NELL2: variants seen among roughly 807,000 people sequenced by gnomAD.
The protein encoded by NELL2 is protein kinase C-binding protein NELL2.
NELL2 carries 41 observed loss-of-function variants against 109.6 expected under a neutral mutation model. That is an observed-to-expected ratio of 0.37 (90% CI 0.29 to 0.49). The LOEUF is 0.49. Among genes scored for constraint, NELL2 ranks in the 20% least tolerant of loss-of-function variants. The pLI, the probability that NELL2 is intolerant of heterozygous loss-of-function variation, is 0.98. For missense variants in NELL2, 900 were observed against 1,008.3 expected (o/e 0.89, Z 1.45); for synonymous variants, 355 against 344.7 (o/e 1.03, Z -0.33).
intron 15 of NELL2, among the ~76,000 whole-genome samples, chr12:44,577,547 G>A (rs1483562401): frequency 5.0e-5 from 7 of 139,408 alleles, no homozygotes; most frequent in Non-Finnish European, 7.5e-5. Flanking sequence ...CGATGATCTC[G>A]GCTCACTGCA....
chr12:44,546,774 G>T (rs1476731315), intron 15 of NELL2, among the ~76,000 whole-genome samples: 1 of 152,078 alleles, frequency 6.6e-6, no homozygotes, highest in Non-Finnish European at 1.5e-5. Context: ...ATAGATCAAA[G>T]GAAAAGGTTT....
At chr12:44,570,279 G>A (rs1004021826) in intron 15 of NELL2, among the ~76,000 whole-genome samples, 3 of 152,150 alleles carry the variant, frequency 2.0e-5, no homozygotes, top group Admixed American at 1.3e-4. Flanking sequence ...CATGTGTGGC[G>A]ATGCTGGTGC....
intron 12 of NELL2, among the ~76,000 whole-genome samples, chr12:44,684,154 C>T (rs1301156493): frequency 6.6e-6 from 1 of 152,126 alleles, no homozygotes; most frequent in Admixed American, 6.5e-5. Flanking sequence ...TGGGAGACTG[C>T]ATGTGTCGAG....
chr12:44,666,517 A>T lies in NELL2; in HGVS notation c.1319-908T>A, dbSNP rs764098788. On this transcript the variant is annotated intron_variant, in intron 12 of 19. Transcript: ENST00000429094. ...TTATACTGTTAAGAGAAATGGATCA[A>T]CTATAAGAGATAGCTAGGTGATACA... 1.1e-4 allele frequency among the ~76,000 whole-genome samples: 16 copies of T among 152,214 alleles called. 1 individual carries two copies. The highest frequency in any genetic ancestry group is 2.1e-4 in the Non-Finnish European group (14 of 68,026).
At chr12:44,765,528 A>G (rs1941294156) in intron 9 of NELL2, among the ~76,000 whole-genome samples, 1 of 152,320 alleles carries the variant, frequency 6.6e-6, no homozygotes, top group South Asian at 2.1e-4. Context: ...GGGTGTGAAC[A>G]GGAGCTGCAG....
chr12:44,809,882 T>A (rs1411676089), intron 3 of NELL2, among the ~76,000 whole-genome samples: 1 of 152,022 alleles, frequency 6.6e-6, no homozygotes, highest in Non-Finnish European at 1.5e-5. Flanking sequence ...AAAAAAATTG[T>A]GTGATTAGAT....
rs144132283 is a variant in NELL2 at position 44,607,254 on chromosome 12, T to G, written c.1578A>C (p.Lys526Asn). Reference protein sequence around the residue: ...GNGTTCKAFCKDGCRNGGACI... With the variant: ...GNGTTCKAFCNDGCRNGGACI... Reference sequence around the variant, plus strand: ...AGGCTCCTCCATTCCTACAGCCATCTTTGCAAAATGCTAAAATAATTCAGA... The same window carrying G: ...AGGCTCCTCCATTCCTACAGCCATCGTTGCAAAATGCTAAAATAATTCAGA... The change falls in exon 15 of 20, where the codon AAA becomes AAC. Residue 526 changes from lysine to asparagine, a missense_variant. Lys to Asn is a moderately conservative substitution (Grantham distance 94, BLOSUM62 0). This residue lies in a region of NELL2 where 333 missense variants were observed against 432.3 expected (regional missense o/e 0.77). Transcript: ENST00000429094. 1.4e-5 allele frequency: 22 copies of G among 1,611,968 alleles called. No homozygotes were observed. In the African/African-American group the frequency reaches 2.5e-4, roughly 19 times the overall value.
At chr12:44,553,104 C>T (rs1479562497) in intron 15 of NELL2, among the ~76,000 whole-genome samples, 1 of 113,472 alleles carries the variant, frequency 8.8e-6, no homozygotes, top group Non-Finnish European at 1.7e-5. Flanking sequence ...GAATATCACA[C>T]TCTGGGGACT....
intron 12 of NELL2, among the ~76,000 whole-genome samples, chr12:44,681,494 T>G (rs532801582): frequency 1.5e-4 from 23 of 152,050 alleles, no homozygotes; most frequent in South Asian, 4.2e-4. Context: ...GTATACATGC[T>G]CCATGCTGGT....
At chr12:44,873,744 CA>C (rs35182533) in intron 2 of NELL2, among the ~76,000 whole-genome samples, 92,371 of 146,482 alleles carry the variant, frequency 0.63, 29,408 homozygotes, top group African/African-American at 0.77. Flanking sequence ...ACAACAACAA[CA>C]AAAAAAAAAA....
intron 19 of NELL2, among the ~76,000 whole-genome samples, chr12:44,514,994 G>T (rs1941194463): frequency 6.6e-6 from 1 of 150,994 alleles, no homozygotes; most frequent in South Asian, 2.1e-4. Flanking sequence ...AATATGAAAA[G>T]TTATAGTTTA....
At chr12:44,651,587 G>C (rs1947300427) in intron 13 of NELL2, among the ~76,000 whole-genome samples, 1 of 152,090 alleles carries the variant, frequency 6.6e-6, no homozygotes, top group Admixed American at 6.5e-5. Flanking sequence ...AGTGTCTACT[G>C]GTTCTTCTGG....
intron 1 of NELL2, among the ~76,000 whole-genome samples, chr12:44,904,948 T>C (rs1370508660): frequency 6.6e-6 from 1 of 152,110 alleles, no homozygotes; most frequent in Admixed American, 6.6e-5. Flanking sequence ...CCACTGGGCA[T>C]TGTCCAGTGA....
At chr12:44,850,558 T>C (rs1944503993) in intron 2 of NELL2, among the ~76,000 whole-genome samples, 1 of 152,186 alleles carries the variant, frequency 6.6e-6, no homozygotes, top group African/African-American at 2.4e-5. Context: ...TTATCTTTCA[T>C]TTATCAAACA....
chr12:44,589,359 C>A (rs1240696027), intron 15 of NELL2, among the ~76,000 whole-genome samples: 1 of 151,192 alleles, frequency 6.6e-6, no homozygotes, highest in Admixed American at 6.6e-5. Flanking sequence ...TCCAGGCAAT[C>A]TTTTCAAGCA....
chr12:44,659,596 A>G (rs1049557736), intron 13 of NELL2, among the ~76,000 whole-genome samples: 2 of 152,248 alleles, frequency 1.3e-5, no homozygotes, highest in African/African-American at 4.8e-5. Flanking sequence ...ACATATGAAA[A>G]AAAGCTCATC....
intron 15 of NELL2, among the ~76,000 whole-genome samples, chr12:44,593,352 G>C (rs766660635): frequency 6.6e-6 from 1 of 152,148 alleles, no homozygotes; most frequent in Non-Finnish European, 1.5e-5. Context: ...TGCAAAAAAA[G>C]GCAGTCAGGC....
chr12:44,519,860 G>T (rs1314782938), intron 19 of NELL2, 145 bp downstream of exon 19: 9 of 709,898 alleles, frequency 1.3e-5, no homozygotes, highest in Non-Finnish European at 2.1e-5. Flanking sequence ...ACTAACAGCT[G>T]AGTGGCATTC....
intron 2 of NELL2, among the ~76,000 whole-genome samples, chr12:44,828,264 C>A (rs7955554): frequency 0.96 from 146,846 of 152,178 alleles, 70,958 homozygotes; most frequent in South Asian, 1. Context: ...TCATTCTGCA[C>A]CCAAACCCAC....
Sources: allele counts gnomAD v4.1 joint callset (sites outside exome capture counted in the v4.1 genomes callset), GRCh38; gene constraint gnomAD v4.1.1; regional missense constraint gnomAD v4.1.1; transcripts MANE v1.5; gene names NCBI Gene and HGNC (gene_info 2026-07-23, HGNC 2026-07-21).